Variants in SVOP observed in about 807,000 individuals in gnomAD.
The protein encoded by SVOP is synaptic vesicle 2-related protein.
SVOP carries 17 observed loss-of-function variants against 69.1 expected under a neutral mutation model. That is an observed-to-expected ratio of 0.25 (90% CI 0.17 to 0.37). SVOP has a LOEUF of 0.37. SVOP is among the 10% of genes least tolerant of loss of function. SVOP has a pLI of 1.00. For synonymous variants in SVOP, 238 were observed against 238.6 expected, an observed-to-expected ratio of 1.00 and a Z score of 0.02; for missense variants, 435 against 597.5, an observed-to-expected ratio of 0.73 and a Z score of 2.84.
At chr12:108,922,041 G>T (rs1196188304) in intron 12 of SVOP, among the ~76,000 whole-genome samples, 1 of 152,160 alleles carries the variant, frequency 6.6e-6, no homozygotes, top group Non-Finnish European at 1.5e-5. Flanking sequence ...TTTCCAGTGT[G>T]CCTGGTGTTG....
chr12:108,944,691 G>C (rs1173471149), intron 7 of SVOP, among the ~76,000 whole-genome samples: 6 of 152,106 alleles, frequency 3.9e-5, no homozygotes, highest in African/African-American at 1.2e-4. Context: ...TTTTAAGGCA[G>C]CCTATAGGCC....
intron 1 of SVOP, among the ~76,000 whole-genome samples, chr12:109,020,200 G>A (rs2040389153): frequency 6.6e-6 from 1 of 152,126 alleles, no homozygotes. Context: ...CCTCAAAGCA[G>A]TATATTCCTG....
intron 10 of SVOP, among the ~76,000 whole-genome samples, chr12:108,935,674 G>A (rs1162145627): frequency 6.6e-6 from 1 of 152,168 alleles, no homozygotes; most frequent in Non-Finnish European, 1.5e-5. Flanking sequence ...ATAGAAAAAT[G>A]AGAACTGGTT....
intron 5 of SVOP, among the ~76,000 whole-genome samples, chr12:108,970,221 A>G (rs1016788988): frequency 1.3e-5 from 2 of 152,116 alleles, no homozygotes; most frequent in African/African-American, 4.8e-5. Context: ...TGGAGCACCT[A>G]CTGATTCAAG....
intron 11 of SVOP, among the ~76,000 whole-genome samples, chr12:108,931,942 T>C (rs1190476101): frequency 6.6e-6 from 1 of 152,188 alleles, no homozygotes; most frequent in Non-Finnish European, 1.5e-5. Flanking sequence ...CTCAGGATCA[T>C]ATCCATAAAG....
At chr12:108,937,434 A>AG in intron 9 of SVOP, 97 bp from the exon 10 acceptor site, 1 of 1,214,176 alleles carries the variant, frequency 8.2e-7, no homozygotes, top group Non-Finnish European at 1.2e-6. Flanking sequence ...GGCTGGGAGG[A>AG]AGGTTTCTAG....
chr12:108,978,503 G>C, intron 3 of SVOP, 75 bp downstream of exon 3: 1 of 681,180 alleles, frequency 1.5e-6, no homozygotes, highest in South Asian at 1.6e-5. Flanking sequence ...GTCCTTCCTT[G>C]TAGGCCATGG....
chr12:108,993,051 G>T (rs912981347), intron 1 of SVOP, among the ~76,000 whole-genome samples: 1 of 151,832 alleles, frequency 6.6e-6, no homozygotes, highest in Non-Finnish European at 1.5e-5. Flanking sequence ...TTATTTTTTT[G>T]AGACGGAGTC....
At chr12:108,932,413 C>T (rs377501010) in intron 11 of SVOP, among the ~76,000 whole-genome samples, 42 of 152,088 alleles carry the variant, frequency 2.8e-4, no homozygotes, top group African/African-American at 9.4e-4. Flanking sequence ...GCTCTCCAGC[C>T]TGGGTAACAG....
chr12:108,938,454 G>A (rs1026390028), intron 9 of SVOP, among the ~76,000 whole-genome samples: 1 of 152,194 alleles, frequency 6.6e-6, no homozygotes, highest in Non-Finnish European at 1.5e-5. Flanking sequence ...ACTCCTTCCT[G>A]ATATGGTTTT....
chr12:108,970,925 G>A (rs537620286), intron 5 of SVOP, among the ~76,000 whole-genome samples: 1 of 152,144 alleles, frequency 6.6e-6, no homozygotes, highest in African/African-American at 2.4e-5. Context: ...GGCTCAGGTG[G>A]GAGGATTGCT....
At chr12:108,944,578 T>C (rs2039911925) in intron 7 of SVOP, among the ~76,000 whole-genome samples, 1 of 152,196 alleles carries the variant, frequency 6.6e-6, no homozygotes, top group Admixed American at 6.5e-5. Flanking sequence ...TGGGGAGTCA[T>C]GGAGCCATTG....
chr12:108,908,518 G>A lies in SVOP; in HGVS notation c.*4017C>T, dbSNP rs539670940. On this transcript the variant is annotated 3_prime_UTR_variant, in exon 16 of 16. Transcript: ENST00000610966. ...GACCCATGGTGGAACAACATCAGCT[G>A]GAAGGGAGTTGCAGCCCCCCCCTGC... 2.6e-5 allele frequency: 4 copies of A among 152,128 alleles called. No homozygotes were observed. In the South Asian group the frequency reaches 8.3e-4, roughly 32 times the overall value. The allele number at this position is 152,128 out of a possible 1,614,324, so 9.4% of individuals were successfully genotyped here. A position where few individuals can be genotyped will look rare whatever the true frequency, so the allele number is the denominator to read the frequency against.
chr12:109,007,405 T>C (rs2040314804), intron 1 of SVOP, among the ~76,000 whole-genome samples: 1 of 152,182 alleles, frequency 6.6e-6, no homozygotes, highest in Admixed American at 6.5e-5. Context: ...CTTCTTCAAA[T>C]ATTTGAGGCT....
intron 1 of SVOP, among the ~76,000 whole-genome samples, chr12:108,996,911 G>A (rs1737786822): frequency 6.6e-6 from 1 of 152,182 alleles, no homozygotes; most frequent in South Asian, 2.1e-4. Context: ...CAGCCTGGGT[G>A]ACAGAACAAG....
intron 5 of SVOP, among the ~76,000 whole-genome samples, chr12:108,969,563 G>T (rs561412709): frequency 6.6e-6 from 1 of 151,140 alleles, no homozygotes; most frequent in South Asian, 2.1e-4. Context: ...CTGACCTCAG[G>T]TCATCCTCCC....
chr12:108,969,485 G>A (rs1208125705), intron 5 of SVOP, among the ~76,000 whole-genome samples: 1 of 151,218 alleles, frequency 6.6e-6, no homozygotes, highest in Non-Finnish European at 1.5e-5. Flanking sequence ...GCGCCACCAT[G>A]CCTGGCTAAT....
intron 1 of SVOP, among the ~76,000 whole-genome samples, chr12:108,992,477 G>A (rs1361690950): frequency 6.6e-6 from 1 of 152,162 alleles, no homozygotes; most frequent in Non-Finnish European, 1.5e-5. Flanking sequence ...AGAGGTCGAG[G>A]CTGCAGTGAG....
intron 2 of SVOP, among the ~76,000 whole-genome samples, chr12:108,983,209 GATC>G (rs2040151145): frequency 1.4e-5 from 2 of 144,236 alleles, no homozygotes; most frequent in African/African-American, 5.2e-5. Flanking sequence ...TCATCACTAT[GATC>G]ATCACCATCA....
Sources: gnomAD v4.1 joint callset for allele counts (sites outside exome capture counted in the v4.1 genomes callset) on GRCh38, gnomAD v4.1.1 for gene constraint, MANE v1.5 for transcripts, NCBI Gene and HGNC (gene_info 2026-07-23, HGNC 2026-07-21) for gene names.